The following RHPN2 variants were observed in gnomAD, a reference collection of about 807,000 sequenced individuals.
RHPN2 encodes rhophilin Rho GTPase binding protein 2.
RHPN2 carries 40 observed loss-of-function variants against 79.0 expected under a neutral mutation model. The observed-to-expected ratio is 0.51, with a 90% confidence interval of 0.39 to 0.66. The LOEUF is 0.66. RHPN2 is among the 30% of genes least tolerant of loss of function. RHPN2 has a pLI of 0.00. For missense variants in RHPN2, 686 were observed against 883.5 expected (o/e 0.78, Z 2.83); for synonymous variants, 285 against 363.5 (o/e 0.78, Z 2.46).
At chr19:33,013,974 G>T (rs4458125) in intron 4 of RHPN2, among the ~76,000 whole-genome samples, 2 of 151,548 alleles carry the variant, frequency 1.3e-5, no homozygotes, top group African/African-American at 4.8e-5. Context: ...TCTCCAGGCT[G>T]AAGCAATCCT....
rs1599840267 is a variant in RHPN2, at chr19:33,064,186, A to T, written c.69+598T>A. Among the ~76,000 whole-genome samples the T allele has an allele frequency of 4.6e-5, 7 of 152,132 alleles. No homozygotes were observed. In the South Asian group the frequency reaches 1.5e-3, roughly 32 times the overall value. On this transcript the variant is annotated intron_variant, in intron 1 of 14. Coordinates refer to ENST00000254260, the MANE Select transcript of RHPN2 (RefSeq NM_033103.5). ...CAGCGATACCCCAGTTCTACAAAAA[A>T]TTAGCGTGGCGAGGTGGCGCGCCTG...
chr19:33,032,349 T>C (rs1439197462), intron 2 of RHPN2, among the ~76,000 whole-genome samples: 1 of 152,074 alleles, frequency 6.6e-6, no homozygotes, highest in African/African-American at 2.4e-5. Context: ...TCATTACGTA[T>C]AGATGATTAA....
intron 1 of RHPN2, among the ~76,000 whole-genome samples, chr19:33,060,517 C>T (rs936445424): frequency 2.6e-5 from 4 of 151,984 alleles, no homozygotes; most frequent in African/African-American, 7.3e-5. Context: ...TGTGTTTACA[C>T]GGCCGTTTCT....
chr19:33,017,621 T>C (rs1599819873), intron 4 of RHPN2, among the ~76,000 whole-genome samples: 1 of 148,646 alleles, frequency 6.7e-6, no homozygotes, highest in Non-Finnish European at 1.5e-5. Flanking sequence ...GCACTTTTAC[T>C]GGAGGTGGAA....
At chr19:33,020,329 C>CTTTT (rs71340522) in intron 4 of RHPN2, among the ~76,000 whole-genome samples, 1 of 139,410 alleles carries the variant, frequency 7.2e-6, no homozygotes, top group Non-Finnish European at 1.6e-5. Flanking sequence ...CTTTCGTTCT[C>CTTTT]TTTTTTTTTT....
At chr19:32,999,835 C>A (rs1376423870) in intron 9 of RHPN2, 130 bp from the exon 10 acceptor site, 1 of 1,213,494 alleles carries the variant, frequency 8.2e-7, no homozygotes, top group Non-Finnish European at 1.2e-6. Flanking sequence ...CATGGGTCTC[C>A]TTTCTGCCCC....
At chr19:32,986,188 C>T (rs1568308526) in intron 14 of RHPN2, among the ~76,000 whole-genome samples, 1 of 152,210 alleles carries the variant, frequency 6.6e-6, no homozygotes, top group Non-Finnish European at 1.5e-5. Context: ...CCCTTGCTTT[C>T]AGCTACTACA....
At position 33,044,360 on chromosome 19, in the gene RHPN2, C is replaced by G. The variant is rs1263813357; in HGVS notation, c.74G>C (p.Cys25Ser). 6.2e-7 allele frequency: 1 copy of G among 1,613,270 alleles called. No individual in the cohort carries two copies. The highest frequency in any genetic ancestry group is 8.5e-7 in the Non-Finnish European group (1 of 1,179,240). ...KENDGYFRKGCNPLAQTGRSK... is the reference protein window; with the variant it reads ...KENDGYFRKGSNPLAQTGRSK... ...CCGGCCGGTTTGTGCAAGGGGATTA[C>G]AGCCCTGAGGAAAAATAAGAGATGC... The change falls in exon 2 of 15, where the codon TGT becomes TCT. Residue 25 changes from cysteine to serine, a missense_variant. Cys to Ser is a moderately radical substitution (Grantham distance 112). Transcript: ENST00000254260.
At chr19:33,042,938 G>A (rs1470039432) in intron 2 of RHPN2, among the ~76,000 whole-genome samples, 1 of 152,086 alleles carries the variant, frequency 6.6e-6, no homozygotes, top group Non-Finnish European at 1.5e-5. Flanking sequence ...AATGAGCCGG[G>A]CACGGTGGCG....
chr19:33,045,218 A>G (rs1035313244), intron 1 of RHPN2, among the ~76,000 whole-genome samples: 1 of 151,378 alleles, frequency 6.6e-6, no homozygotes, highest in Non-Finnish European at 1.5e-5. Context: ...TGTCCAGGTA[A>G]TTTTTGTATT....
Position 33,064,857 on chromosome 19 carries a change from G to T in RHPN2, c.-5C>A, listed in dbSNP as rs567543921. The T allele has an allele frequency of 4.4e-5, 66 of 1,503,566 alleles. No homozygotes were observed. The African/African-American group carries it at 9.4e-4, about 22-fold the overall frequency. 93.1% of individuals were successfully genotyped at this position (1,503,566 alleles called of 1,614,324 possible). A position where few individuals can be genotyped will look rare whatever the true frequency, so the allele number is the denominator to read the frequency against. ...GGGCAACAGCGCGTCGGTCATGCTA[G>T]CGGCGCGGGCGCGGAGGGCGGACGG... On this transcript the variant is annotated 5_prime_UTR_variant, in exon 1 of 15. Coordinates refer to ENST00000254260, the MANE Select transcript of RHPN2 (RefSeq NM_033103.5).
At chr19:32,999,823 A>G (rs1421231265) in intron 9 of RHPN2, 118 bp from the exon 10 acceptor site, 4 of 1,354,834 alleles carry the variant, frequency 3.0e-6, no homozygotes, top group Non-Finnish European at 4.1e-6. Flanking sequence ...GGCATTTGGG[A>G]TCATGGGTCT....
rs367842517 is a variant in RHPN2 at position 32,996,228 on chromosome 19, C to A, written c.1226-8G>T. 947 of 1,614,034 alleles carry A rather than the reference C, an allele frequency of 5.9e-4. No homozygotes were observed. The highest frequency in any genetic ancestry group is 7.3e-4 in the Non-Finnish European group (865 of 1,180,022). ...TGCGCAAGTGGGACTTCCCTGCAGA[C>A]GGAAGCCAGCACCCACGTGACTTGC... On this transcript the variant is annotated splice_region_variant and splice_polypyrimidine_tract_variant and intron_variant, in intron 10 of 14. Transcript: ENST00000254260.
At position 32,990,617 on chromosome 19, in the gene RHPN2, C is replaced by A. The variant is rs1971650979; in HGVS notation, c.1697G>T (p.Cys566Phe). The A allele has an allele frequency of 6.2e-7, 1 of 1,613,956 alleles. No individual in the cohort carries two copies. Among genetic ancestry groups the A allele is most frequent in the Non-Finnish European group, 8.5e-7 (1 of 1,179,870 alleles). ...AACCTCACTCAGCGTCAGCCACTTA[C>A]AATCCACAAGCTGAATGGAGACAAT... ...DYIVSIQLVD[C>F]KWLTLSEVMK... The change falls in exon 14 of 15, where the codon TGT (cysteine) becomes TTT (phenylalanine). Residue 566 changes from cysteine (C) to phenylalanine (F), a missense_variant. By Grantham distance (205) the Cys-to-Phe change is radical (BLOSUM62 -2). Transcript: ENST00000254260.
intron 13 of RHPN2, 135 bp downstream of exon 13, chr19:32,991,688 T>A: frequency 9.7e-7 from 1 of 1,035,772 alleles, no homozygotes. Context: ...TAAAAATTAA[T>A]CCTTTTCTTT....
At chr19:33,019,890 A>C (rs1043110312) in intron 4 of RHPN2, among the ~76,000 whole-genome samples, 2 of 152,140 alleles carry the variant, frequency 1.3e-5, no homozygotes, top group Non-Finnish European at 2.9e-5. Context: ...GCCACCCTGC[A>C]CCTCATCCCC....
chr19:33,045,050 C>CTTTTTTT (rs367927850), intron 1 of RHPN2, among the ~76,000 whole-genome samples: 2 of 127,306 alleles, frequency 1.6e-5, no homozygotes, highest in African/African-American at 3.2e-5. Context: ...TGAGTATCTA[C>CTTTTTTT]TTTTTTTTTT....
chr19:33,017,237 G>C (rs1438894042), intron 4 of RHPN2, among the ~76,000 whole-genome samples: 1 of 152,016 alleles, frequency 6.6e-6, no homozygotes, highest in Admixed American at 6.6e-5. Context: ...AGCCAGGTGT[G>C]GTGGCACATG....
intron 1 of RHPN2, 65 bp downstream of exon 1, chr19:33,064,719 C>G (rs1972312551): frequency 7.4e-6 from 11 of 1,493,732 alleles, no homozygotes; most frequent in Non-Finnish European, 8.9e-6. Flanking sequence ...ACGGCCCCTG[C>G]AGGGCCCGGG....
Sources: allele counts gnomAD v4.1 joint callset (sites outside exome capture counted in the v4.1 genomes callset), GRCh38; gene constraint gnomAD v4.1.1; transcripts MANE v1.5; gene names NCBI Gene and HGNC (gene_info 2026-07-23, HGNC 2026-07-21).